NR5A2: variants seen among roughly 807,000 people sequenced by gnomAD.
NR5A2 encodes the protein CYP7A promoter-binding factor.
A neutral mutation model predicts 62.7 loss-of-function variants in NR5A2; 26 were observed. The observed-to-expected ratio is 0.41, with a 90% CI of 0.30 to 0.58. The LOEUF is 0.58. Among genes scored for constraint, NR5A2 ranks in the 20% least tolerant of loss-of-function variants. The pLI, the probability that NR5A2 is intolerant of heterozygous loss-of-function variation, is 0.22. For missense variants in NR5A2, 541 were observed against 669.1 expected, an observed-to-expected ratio of 0.81 and a Z score of 2.11; for synonymous variants, 246 against 241.7, an observed-to-expected ratio of 1.02 and a Z score of -0.16.
chr1:200,109,189 T>C (rs566418344), intron 5 of NR5A2, among the ~76,000 whole-genome samples: 2 of 152,204 alleles, frequency 1.3e-5, no homozygotes, highest in Non-Finnish European at 2.9e-5. Context: ...AATGTAACTG[T>C]TTTGGTCAGA....
chr1:200,038,532 C>G (rs1661889222), intron 1 of NR5A2, among the ~76,000 whole-genome samples: 1 of 152,210 alleles, frequency 6.6e-6, no homozygotes, highest in African/African-American at 2.4e-5. Flanking sequence ...GGAGTTGAAG[C>G]TGGAGGACCC....
chr1:200,037,957 C>A (rs1043216691), intron 1 of NR5A2, among the ~76,000 whole-genome samples: 2 of 152,218 alleles, frequency 1.3e-5, no homozygotes, highest in African/African-American at 4.8e-5. Context: ...AATCTCTATA[C>A]CATTCAAATA....
intron 2 of NR5A2, chr1:200,042,715 C>A (rs1349753735): frequency 9.5e-6 from 7 of 739,872 alleles, no homozygotes; most frequent in South Asian, 6.1e-5. Context: ...TGCGGGTGCC[C>A]GCCCACCCGC....
At chr1:200,095,687 G>A (rs1312203431) in intron 5 of NR5A2, among the ~76,000 whole-genome samples, 1 of 150,900 alleles carries the variant, frequency 6.6e-6, no homozygotes, top group African/African-American at 2.4e-5. Flanking sequence ...CGAGTAGCTG[G>A]GACTACAGGC....
intron 7 of NR5A2, among the ~76,000 whole-genome samples, chr1:200,150,422 A>C (rs1235722213): frequency 6.6e-6 from 1 of 152,228 alleles, no homozygotes; most frequent in Non-Finnish European, 1.5e-5. Flanking sequence ...TACAACAGTA[A>C]GACTCTGGAT....
chr1:200,169,589 G>A lies in NR5A2; in HGVS notation c.1379-4374G>A, dbSNP rs553278322. ...AAGGGTTTACTTTCCAATAAGGATGGAAAAAATCTGAGCACCCCACTGTGA... is the reference window on the plus strand; with the variant it reads ...AAGGGTTTACTTTCCAATAAGGATGAAAAAAATCTGAGCACCCCACTGTGA... On this transcript the variant is annotated intron_variant, in intron 7 of 7. Transcript: ENST00000367362. Among the ~76,000 whole-genome samples, 147 of 152,254 alleles carry A rather than the reference G, an allele frequency of 9.7e-4. 1 individual carries two copies. In the Middle Eastern group the frequency reaches 0.014, roughly 14 times the overall value.
rs1044751438 is a variant in NR5A2, at chr1:200,090,843, C to A, written c.1111-20359C>A. 3.3e-5 allele frequency among the ~76,000 whole-genome samples: 5 copies of A among 152,302 alleles called. No homozygotes were observed. The East Asian group carries it at 5.8e-4, about 18-fold the overall frequency. The stretch of plus-strand genomic sequence containing the variant: ...GACACAGGTTTCCCTGAGTGTCAGC[C>A]TCTGCCCCCTCCCTAACACACACTC... On this transcript the variant is annotated intron_variant, in intron 5 of 7. Transcript: ENST00000367362.
rs16846237 is a variant in NR5A2 at position 200,175,720 on chromosome 1, G to A, written c.*1510G>A. On this transcript the variant is annotated 3_prime_UTR_variant, in exon 8 of 8. Coordinates refer to ENST00000367362, the MANE Select transcript of NR5A2 (RefSeq NM_205860.3). ...TTCCTTAATGTTATTTTTCTGATTG[G>A]TAATTATTTTTAACAGTACTTAATT... 0.062 allele frequency: 9,464 copies of A among 152,470 alleles called. 749 individuals are homozygous for A. The highest frequency in any genetic ancestry group is 0.19 in the African/African-American group (7,820 of 41,468). The allele number at this position is 152,470 out of a possible 1,614,324, so 9.4% of individuals were successfully genotyped here.
At position 200,145,504 on chromosome 1, in the gene NR5A2, G is replaced by A. The variant is rs1486736286; in HGVS notation, c.1378+24549G>A. On this transcript the variant is annotated intron_variant, in intron 7 of 7. Transcript: ENST00000367362. ...TGTGTGTGTGTGTGTGTGTGTGTGT[G>A]TGTGTGTGTGTTATAAAGGTGACTC... Among the ~76,000 whole-genome samples, 8 of 122,582 alleles carry A rather than the reference G, an allele frequency of 6.5e-5. No individual in the cohort carries two copies. In the Admixed American group the frequency reaches 7.1e-4, roughly 11 times the overall value. The allele number at this position is 122,582 out of a possible 152,430, so 80.4% of individuals were successfully genotyped here.
chr1:200,135,311 G>A (rs759203237), intron 7 of NR5A2, among the ~76,000 whole-genome samples: 15 of 152,142 alleles, frequency 9.9e-5, no homozygotes, highest in African/African-American at 2.9e-4. Flanking sequence ...ACCTGAGGTC[G>A]CGAGTTCGAG....
At chr1:200,085,472 C>T (rs937566208) in intron 5 of NR5A2, among the ~76,000 whole-genome samples, 3 of 152,102 alleles carry the variant, frequency 2.0e-5, no homozygotes, top group Non-Finnish European at 4.4e-5. Flanking sequence ...GGCTTCAAAT[C>T]CCCTTCCATT....
At chr1:200,084,717 A>G (rs900559708) in intron 5 of NR5A2, among the ~76,000 whole-genome samples, 1 of 152,226 alleles carries the variant, frequency 6.6e-6, no homozygotes, top group African/African-American at 2.4e-5. Context: ...AAATGCATTA[A>G]TCCCTTTGTA....
chr1:200,065,709 G>C (rs1227408140), intron 5 of NR5A2, among the ~76,000 whole-genome samples: 1 of 152,158 alleles, frequency 6.6e-6, no homozygotes, highest in Non-Finnish European at 1.5e-5. Flanking sequence ...TGTTCTAGAA[G>C]TGGGAAGAAA....
chr1:200,037,295 A>T (rs3790846), intron 1 of NR5A2, among the ~76,000 whole-genome samples: 2 of 151,756 alleles, frequency 1.3e-5, no homozygotes, highest in East Asian at 3.9e-4. Context: ...ACTTCTTTCA[A>T]CTCTCCTAAC....
chr1:200,083,052 C>T (rs74934598), intron 5 of NR5A2, among the ~76,000 whole-genome samples: 3,346 of 152,072 alleles, frequency 0.022, 131 homozygotes, highest in African/African-American at 0.074. Flanking sequence ...AAAAATGTCA[C>T]AGTTTTTCTA....
In NR5A2 at chr1:200,029,064, G is replaced by A. The variant is rs546711632; in HGVS notation, c.64+1153G>A. 28 of 448,698 alleles carry A rather than the reference G, an allele frequency of 6.2e-5. No homozygotes were observed. In the East Asian group the frequency reaches 9.2e-4, roughly 15 times the overall value. 27.8% of individuals were successfully genotyped at this position (448,698 alleles called of 1,614,324 possible). ...CAGAAAATACAGGCACAAGAAAGATGAGAGAGCAGCACACAACCATTTCGC... is the reference window on the plus strand; with the variant it reads ...CAGAAAATACAGGCACAAGAAAGATAAGAGAGCAGCACACAACCATTTCGC... On this transcript the variant is annotated intron_variant, in intron 1 of 7. Transcript: ENST00000367362.
At chr1:200,170,974 A>T (rs901613203) in intron 7 of NR5A2, among the ~76,000 whole-genome samples, 6 of 152,232 alleles carry the variant, frequency 3.9e-5, no homozygotes, top group Admixed American at 2.6e-4. Context: ...AATAATGTGA[A>T]GCAAGGAGTT....
chr1:200,108,721 G>A (rs1329462536), intron 5 of NR5A2, among the ~76,000 whole-genome samples: 1 of 152,144 alleles, frequency 6.6e-6, no homozygotes, highest in Non-Finnish European at 1.5e-5. Context: ...TACCATCATA[G>A]ACTAATAAAT....
Position 200,045,362 on chromosome 1 carries a change from T to C in NR5A2, c.322-81T>C, listed in dbSNP as rs1662309429. 5 of 1,283,410 alleles carry C rather than the reference T, an allele frequency of 3.9e-6. No homozygotes were observed. The East Asian group carries it at 1.2e-4, about 32-fold the overall frequency. The allele number at this position is 1,283,410 out of a possible 1,614,324, so 79.5% of individuals were successfully genotyped here. ...CAAATAGTGCAATGAGAGGATTTACTGGTGATTTTCTTAAAATGAAACAAT... is the reference window on the plus strand; with the variant it reads ...CAAATAGTGCAATGAGAGGATTTACCGGTGATTTTCTTAAAATGAAACAAT... On this transcript the variant is annotated intron_variant, in intron 3 of 7. Transcript: ENST00000367362.
Sources: allele counts gnomAD v4.1 joint callset (sites outside exome capture counted in the v4.1 genomes callset), GRCh38; gene constraint gnomAD v4.1.1; transcripts MANE v1.5; gene names NCBI Gene and HGNC (gene_info 2026-07-23, HGNC 2026-07-21).